The following UMAD1 variants were observed in gnomAD, a reference collection of about 807,000 sequenced individuals.
UMAD1 encodes the protein UBAP1-MVB12-associated (UMA) domain containing 1.
Under a neutral mutation model 6.1 loss-of-function variants are expected in UMAD1, and 8 were observed. The ratio of observed to expected loss-of-function variants is 1.30; its 90% CI spans 0.76 to 2.35. The LOEUF (loss-of-function observed/expected upper bound fraction) is 2.35. UMAD1 is among the 30% of genes most tolerant of loss of function. The probability of loss-of-function intolerance (pLI) is 0.00; values close to 1 mark genes in which losing one functional copy is unlikely to be tolerated. For synonymous variants in UMAD1, 56 were observed against 31.4 expected, an observed-to-expected ratio of 1.78 and a Z score of -2.61; for missense variants, 130 against 78.4, an observed-to-expected ratio of 1.66 and a Z score of -2.49.
chr7:7,712,799 A>G (rs2115171936), intron 2 of UMAD1, among the ~76,000 whole-genome samples: 1 of 152,324 alleles, frequency 6.6e-6, no homozygotes, highest in South Asian at 2.1e-4. Context: ...TACTACATAC[A>G]ATACATTTTG....
chr7:7,642,092 G>A (rs1234769571), intron 1 of UMAD1, among the ~76,000 whole-genome samples: 1 of 152,208 alleles, frequency 6.6e-6, no homozygotes, highest in Non-Finnish European at 1.5e-5. Flanking sequence ...TGCAAAGCAA[G>A]TTGATGTGCA....
At position 7,719,086 on chromosome 7, in the gene UMAD1, G is replaced by T. The variant is rs544894465; in HGVS notation, c.82+45633G>T. 7.1e-4 allele frequency among the ~76,000 whole-genome samples: 87 copies of T among 122,246 alleles called. 1 individual carries two copies. In the South Asian group the frequency reaches 9.5e-3, roughly 13 times the overall value. 80.2% of individuals were successfully genotyped at this position (122,246 alleles called of 152,430 possible). A position where few individuals can be genotyped will look rare whatever the true frequency, so the allele number is the denominator to read the frequency against. Reference sequence around the variant, plus strand: ...TTTATTGTGTTAAAAAAAGCTTTAAGAACTGTTTTTTTCTGCATTTTTATT... The same window carrying T: ...TTTATTGTGTTAAAAAAAGCTTTAATAACTGTTTTTTTCTGCATTTTTATT... On this transcript the variant is annotated intron_variant, in intron 2 of 3. Transcript: ENST00000682710.
chr7:7,791,781 T>G (rs1230987400), intron 2 of UMAD1, among the ~76,000 whole-genome samples: 1 of 152,218 alleles, frequency 6.6e-6, no homozygotes, highest in Non-Finnish European at 1.5e-5. Flanking sequence ...TAAGCATGCT[T>G]AACTATTCAG....
rs188536284 is a variant in UMAD1, at chr7:7,810,255, G to C, written c.156+8512G>C. Among the ~76,000 whole-genome samples, 184 of 152,114 alleles carry C rather than the reference G, an allele frequency of 1.2e-3. 1 individual carries two copies. Among genetic ancestry groups the C allele is most frequent in the Non-Finnish European group, 1.8e-3 (124 of 67,928 alleles). ...AATATAATGGATATTGCTATTGAAG[G>C]CAGTTTAAATTGGTACAACTATTCT... On this transcript the variant is annotated intron_variant, in intron 3 of 3. Transcript: ENST00000682710.
At chr7:7,871,040 A>G (rs1784322751) in intron 3 of UMAD1, among the ~76,000 whole-genome samples, 1 of 152,158 alleles carries the variant, frequency 6.6e-6, no homozygotes, top group Non-Finnish European at 1.5e-5. Context: ...ATAATTATCA[A>G]CTCACAGACA....
At chr7:7,695,946 A>G (rs1780304311) in intron 2 of UMAD1, among the ~76,000 whole-genome samples, 3 of 150,548 alleles carry the variant, frequency 2.0e-5, no homozygotes, top group Admixed American at 2.0e-4. Context: ...CTTTGTCTAT[A>G]GGAGGCTCTT....
At chr7:7,740,274 T>C (rs769595546) in intron 2 of UMAD1, among the ~76,000 whole-genome samples, 1 of 152,252 alleles carries the variant, frequency 6.6e-6, no homozygotes, top group Non-Finnish European at 1.5e-5. Context: ...ATAAAATGTT[T>C]ACAAGCACCT....
At chr7:7,827,655 T>C (rs1196474328) in intron 3 of UMAD1, among the ~76,000 whole-genome samples, 1 of 152,160 alleles carries the variant, frequency 6.6e-6, no homozygotes, top group Admixed American at 6.5e-5. Flanking sequence ...GAAGTAATAG[T>C]AAGATATAAC....
intron 3 of UMAD1, among the ~76,000 whole-genome samples, chr7:7,857,564 C>G (rs1308372692): frequency 6.6e-6 from 1 of 152,208 alleles, no homozygotes; most frequent in East Asian, 1.9e-4. Context: ...CTCATGAACA[C>G]AGGACACTCT....
intron 2 of UMAD1, among the ~76,000 whole-genome samples, chr7:7,746,073 A>G (rs1781567631): frequency 6.6e-6 from 1 of 152,134 alleles, no homozygotes; most frequent in Non-Finnish European, 1.5e-5. Context: ...TTCCTCTCCC[A>G]TTAGCATAGT....
chr7:7,651,257 A>C (rs1173956440), intron 1 of UMAD1, among the ~76,000 whole-genome samples: 1 of 152,242 alleles, frequency 6.6e-6, no homozygotes, highest in African/African-American at 2.4e-5. Flanking sequence ...ATATGTTAGT[A>C]CTAGAGCTAA....
intron 3 of UMAD1, among the ~76,000 whole-genome samples, chr7:7,862,669 G>C (rs991543426): frequency 6.6e-6 from 1 of 152,146 alleles, no homozygotes; most frequent in African/African-American, 2.4e-5. Context: ...TAACCAGCTT[G>C]GTAGATTTAA....
chr7:7,741,871 G>GA (rs1424589512), intron 2 of UMAD1: 1 of 210,250 alleles, frequency 4.8e-6, no homozygotes, highest in African/African-American at 2.4e-5. Flanking sequence ...TTTGTAAAAT[G>GA]AAAAAATAAA....
Position 7,643,666 on chromosome 7 carries a change from C to G in UMAD1, c.-64+2845C>G, listed in dbSNP as rs1414112114. Among the ~76,000 whole-genome samples, 3 of 150,062 alleles carry G rather than the reference C, an allele frequency of 2.0e-5. No homozygotes were observed. In the East Asian group the frequency reaches 5.8e-4, roughly 29 times the overall value. On this transcript the variant is annotated intron_variant, in intron 1 of 3. Coordinates refer to ENST00000682710, the MANE Select transcript of UMAD1 (RefSeq NM_001302348.2). ...GGCGGAGCTTGCAGTGAGCCGAGAT[C>G]GCGCCACTTCACTCCAACCTGGGCC...
chr7:7,802,269 T>A (rs1782816722), intron 3 of UMAD1, among the ~76,000 whole-genome samples: 1 of 152,146 alleles, frequency 6.6e-6, no homozygotes, highest in African/African-American at 2.4e-5. Flanking sequence ...TCCCAGCTAC[T>A]TGGGAGGCTG....
intron 1 of UMAD1, among the ~76,000 whole-genome samples, chr7:7,643,152 C>A (rs923460340): frequency 1.3e-5 from 2 of 152,090 alleles, no homozygotes; most frequent in Non-Finnish European, 2.9e-5. Flanking sequence ...CAGGGAGAGG[C>A]CATTTCCTGA....
rs1268827267 is a variant in UMAD1 at position 7,877,744 on chromosome 7, A to T, written c.*206A>T. On this transcript the variant is annotated 3_prime_UTR_variant, in exon 4 of 4. Coordinates refer to ENST00000682710, the MANE Select transcript of UMAD1 (RefSeq NM_001302348.2). ...ACTTAAGTTCTACTTCCTTTCTCCC[A>T]TATAATAAATATACAAATTAGGCTA... 3.7e-6 allele frequency: 2 copies of T among 533,750 alleles called. No homozygotes were observed. Among genetic ancestry groups the T allele is most frequent in the Non-Finnish European group, 6.6e-6 (2 of 300,994 alleles). The allele number at this position is 533,750 out of a possible 1,614,324, so 33.1% of individuals were successfully genotyped here. A position where few individuals can be genotyped will look rare whatever the true frequency, so the allele number is the denominator to read the frequency against.
At chr7:7,644,562 G>A (rs535684589) in intron 1 of UMAD1, among the ~76,000 whole-genome samples, 2 of 152,194 alleles carry the variant, frequency 1.3e-5, no homozygotes, top group South Asian at 4.1e-4. Flanking sequence ...CTTCATGTAT[G>A]TTGTCAGATA....
intron 2 of UMAD1, among the ~76,000 whole-genome samples, chr7:7,711,339 T>C (rs1780757969): frequency 1.3e-5 from 2 of 152,332 alleles, no homozygotes; most frequent in African/African-American, 4.8e-5. Context: ...TATGTGAGCT[T>C]TCCTCTAGAT....
Sources: gnomAD v4.1 joint callset for allele counts (sites outside exome capture counted in the v4.1 genomes callset) on GRCh38, gnomAD v4.1.1 for gene constraint, MANE v1.5 for transcripts, NCBI Gene and HGNC (gene_info 2026-07-23, HGNC 2026-07-21) for gene names.